The following ZDHHC14 variants were observed in gnomAD, a reference collection of about 807,000 sequenced individuals.
ZDHHC14 encodes the protein palmitoyltransferase ZDHHC14.
ZDHHC14 carries 16 observed loss-of-function variants against 47.7 expected under a neutral mutation model. The ratio of observed to expected loss-of-function variants is 0.34; its 90% CI spans 0.23 to 0.51. The LOEUF is 0.51. Ranked by LOEUF, ZDHHC14 falls within the 20% of genes least tolerant of loss-of-function variation. The pLI is 0.97. For missense variants in ZDHHC14, 515 were observed against 662.5 expected (o/e 0.78, Z 2.44); for synonymous variants, 293 against 278.9 (o/e 1.05, Z -0.50).
Position 157,662,521 on chromosome 6 carries a change from A to G in ZDHHC14, c.1068+8894A>G, listed in dbSNP as rs186501030. ...AAACGTTCAGTTGAATGTATGTGCAAATTCCCCTCACAGGGGCTCGCACAC... is the reference window on the plus strand; with the variant it reads ...AAACGTTCAGTTGAATGTATGTGCAGATTCCCCTCACAGGGGCTCGCACAC... On this transcript the variant is annotated intron_variant, in intron 8 of 8. Coordinates refer to ENST00000359775, the MANE Select transcript of ZDHHC14 (RefSeq NM_024630.3). Among the ~76,000 whole-genome samples the G allele has an allele frequency of 7.2e-4, 109 of 152,368 alleles. No individual in the cohort carries two copies. In the Middle Eastern group the frequency reaches 0.01, roughly 14 times the overall value.
At chr6:157,496,154 C>G (rs1226316330) in intron 1 of ZDHHC14, among the ~76,000 whole-genome samples, 1 of 152,202 alleles carries the variant, frequency 6.6e-6, no homozygotes, top group Non-Finnish European at 1.5e-5. Flanking sequence ...TTCTTGGAGC[C>G]AAGAGTCACA....
At chr6:157,494,367 C>T (rs1213633877) in intron 1 of ZDHHC14, among the ~76,000 whole-genome samples, 1 of 152,228 alleles carries the variant, frequency 6.6e-6, no homozygotes, top group Non-Finnish European at 1.5e-5. Flanking sequence ...TGCCACCACC[C>T]TCCCTGCGGG....
chr6:157,508,578 G>A (rs964047668), intron 1 of ZDHHC14, among the ~76,000 whole-genome samples: 1 of 152,002 alleles, frequency 6.6e-6, no homozygotes, highest in Non-Finnish European at 1.5e-5. Context: ...TCACTATGTT[G>A]CCCAGGCTGG....
chr6:157,569,485 T>A lies in ZDHHC14; in HGVS notation c.407-23503T>A, dbSNP rs376648681. Among the ~76,000 whole-genome samples the A allele has an allele frequency of 1.4e-4, 22 of 152,290 alleles. No homozygotes were observed. The East Asian group carries it at 3.7e-3, about 25-fold the overall frequency. ...TTGGGGATCTTCTATTTTGTTTCAG[T>A]ATTTTATTTATTCCCGGGCCAATGA... On this transcript the variant is annotated intron_variant, in intron 2 of 8. Coordinates refer to ENST00000359775, the MANE Select transcript of ZDHHC14 (RefSeq NM_024630.3).
chr6:157,565,903 C>G (rs1460299198), intron 2 of ZDHHC14, among the ~76,000 whole-genome samples: 1 of 152,020 alleles, frequency 6.6e-6, no homozygotes, highest in East Asian at 1.9e-4. Context: ...GTTATATACA[C>G]CTAAGAGACC....
chr6:157,423,895 C>A (rs895888451), intron 1 of ZDHHC14, among the ~76,000 whole-genome samples: 1 of 152,168 alleles, frequency 6.6e-6, no homozygotes, highest in Non-Finnish European at 1.5e-5. Context: ...CCAGGCGATT[C>A]GTGTGCAATA....
At chr6:157,663,384 A>T (rs145204716) in intron 8 of ZDHHC14, among the ~76,000 whole-genome samples, 40 of 152,340 alleles carry the variant, frequency 2.6e-4, no homozygotes, top group Non-Finnish European at 4.3e-4. Context: ...GAGATGTCAG[A>T]CTTGGGACAG....
chr6:157,670,193 C>T (rs2115014800), intron 8 of ZDHHC14, among the ~76,000 whole-genome samples: 1 of 152,332 alleles, frequency 6.6e-6, no homozygotes, highest in African/African-American at 2.4e-5. Context: ...CTCTGTTGCC[C>T]ACCTGACAGC....
chr6:157,517,151 C>T (rs982377399), intron 1 of ZDHHC14, among the ~76,000 whole-genome samples: 2 of 152,184 alleles, frequency 1.3e-5, no homozygotes, highest in South Asian at 4.2e-4. Context: ...ATCTTTGTTG[C>T]GTTGAATACC....
intron 1 of ZDHHC14, among the ~76,000 whole-genome samples, chr6:157,516,211 CATG>C (rs1780687140): frequency 6.6e-6 from 1 of 152,168 alleles, no homozygotes; most frequent in African/African-American, 2.4e-5. Context: ...TATCATCCTC[CATG>C]ATATTAATAT....
chr6:157,419,540 C>T (rs1169269564), intron 1 of ZDHHC14, among the ~76,000 whole-genome samples: 3 of 152,198 alleles, frequency 2.0e-5, no homozygotes, highest in Non-Finnish European at 2.9e-5. Context: ...TCCCGACTGT[C>T]GTAGAGTTGG....
chr6:157,526,373 G>A (rs9457695), intron 1 of ZDHHC14, among the ~76,000 whole-genome samples: 3,310 of 152,196 alleles, frequency 0.022, 131 homozygotes, highest in African/African-American at 0.075. Context: ...CACTCCCAGT[G>A]CCTGAGGCCT....
intron 8 of ZDHHC14, 118 bp downstream of exon 8, chr6:157,653,745 GC>G: frequency 1.1e-6 from 1 of 937,490 alleles, no homozygotes; most frequent in Non-Finnish European, 1.6e-6. Context: ...GCCCACAGCC[GC>G]CCACCCCATG....
At position 157,505,927 on chromosome 6, in the gene ZDHHC14, A is replaced by C. The variant is rs531062286; in HGVS notation, c.246-36658A>C. Among the ~76,000 whole-genome samples the C allele has an allele frequency of 2.5e-4, 38 of 152,374 alleles. 1 individual carries two copies. Among genetic ancestry groups the C allele is most frequent in the African/African-American group, 9.1e-4 (38 of 41,590 alleles). On this transcript the variant is annotated intron_variant, in intron 1 of 8. Transcript: ENST00000359775. ...ACCCAAGTGCTGAAACACTGAACAAATGCAGCTCGGTCAATGAGATCAGGG... is the reference window on the plus strand; with the variant it reads ...ACCCAAGTGCTGAAACACTGAACAACTGCAGCTCGGTCAATGAGATCAGGG...
intron 7 of ZDHHC14, among the ~76,000 whole-genome samples, chr6:157,652,619 G>A (rs1048678209): frequency 5.9e-5 from 9 of 152,208 alleles, no homozygotes; most frequent in Non-Finnish European, 8.8e-5. Context: ...GATGCCTTTG[G>A]AAGCACTACT....
At chr6:157,466,827 C>A (rs908226882) in intron 1 of ZDHHC14, among the ~76,000 whole-genome samples, 24 of 151,938 alleles carry the variant, frequency 1.6e-4, no homozygotes, top group African/African-American at 5.8e-4. Context: ...CAGAGTGAGA[C>A]TCTTTCTCAA....
intron 3 of ZDHHC14, among the ~76,000 whole-genome samples, chr6:157,622,404 A>G (rs1785233807): frequency 6.6e-6 from 1 of 152,142 alleles, no homozygotes; most frequent in South Asian, 2.1e-4. Context: ...ATATAAATAA[A>G]TAAAATAAAA....
chr6:157,622,530 G>A (rs1296548609), intron 3 of ZDHHC14, among the ~76,000 whole-genome samples: 16 of 152,164 alleles, frequency 1.1e-4, no homozygotes, highest in Non-Finnish European at 2.9e-5. Flanking sequence ...CTTAGGATCT[G>A]AGGGCAGGTG....
intron 1 of ZDHHC14, among the ~76,000 whole-genome samples, chr6:157,450,027 A>G (rs754582140): frequency 6.6e-6 from 1 of 152,196 alleles, no homozygotes; most frequent in Non-Finnish European, 1.5e-5. Flanking sequence ...GGTTTTACAC[A>G]TAACGCACTT....
Sources: allele counts gnomAD v4.1 joint callset (sites outside exome capture counted in the v4.1 genomes callset), GRCh38; gene constraint gnomAD v4.1.1; transcripts MANE v1.5; gene names NCBI Gene and HGNC (gene_info 2026-07-23, HGNC 2026-07-21).